MATN4: variants seen among roughly 807,000 people sequenced by gnomAD.
MATN4 encodes matrilin-4.
Under a neutral mutation model 54.6 loss-of-function variants are expected in MATN4, and 40 were observed. The ratio of observed to expected loss-of-function variants is 0.73; its 90% CI spans 0.57 to 0.95. The LOEUF is 0.95. Among genes scored for constraint, MATN4 ranks in the 40% least tolerant of loss-of-function variants. The pLI, the probability that MATN4 is intolerant of heterozygous loss-of-function variation, is 0.00. For synonymous variants in MATN4, 351 were observed against 345.3 expected, an observed-to-expected ratio of 1.02 and a Z score of -0.18; for missense variants, 810 against 819.1, an observed-to-expected ratio of 0.99 and a Z score of 0.13.
intron 1 of MATN4, among the ~76,000 whole-genome samples, chr20:45,307,519 C>T (rs1986833126): frequency 6.6e-6 from 1 of 152,198 alleles, no homozygotes; most frequent in African/African-American, 2.4e-5. Context: ...CCCTGGACAG[C>T]ATGAGGGCTA....
At position 45,298,022 on chromosome 20, in the gene MATN4, A is replaced by C. The variant is rs750614961; in HGVS notation, c.1475T>G (p.Leu492Arg). ...VGVGKAVEAE[L>R]REIASEPAEL... ...CGCTGGCTCCGAGGCGATCTCGCGC[A>C]GCTCCGCCTCCACCGCCTTGCCCAC... is the stretch of plus-strand genomic sequence containing the variant. Residue 492 changes from leucine (L) to arginine (R), a missense_variant, in exon 8 of 10, where the codon CTG becomes CGG. Physicochemically the swap from Leu to Arg is moderately radical, Grantham distance 102. Transcript: ENST00000372756. This position sits in a 1 kb window ranked among gnomAD's most constrained non-coding sequence, Gnocchi z 4.6. 1 of 1,613,958 alleles carries C rather than the reference A, an allele frequency of 6.2e-7. No individual in the cohort carries two copies. The highest frequency in any genetic ancestry group is 8.5e-7 in the Non-Finnish European group (1 of 1,179,954).
chr20:45,300,935 G>A lies in MATN4; in HGVS notation c.964C>T (p.Leu322=), dbSNP rs751508003. ...CVSEGLSYRC[L]CPEGRQLQAD... The stretch of plus-strand genomic sequence containing the variant: ...TGAAGTTGCCGCCCCTCGGGGCACA[G>A]GCAGCGGTAGGAGAGGCCCTCGCTC... The change falls in exon 6 of 10, where the codon CTG becomes TTG. Residue 322 remains leucine, a synonymous_variant. Transcript: ENST00000372756. The A allele has an allele frequency of 2.5e-6, 4 of 1,613,792 alleles. No individual in the cohort carries two copies. In the Admixed American group the frequency reaches 5.0e-5, roughly 20 times the overall value.
chr20:45,293,886 C>T, intron 9 of MATN4, 22 bp downstream of exon 9: 1 of 1,606,208 alleles, frequency 6.2e-7, no homozygotes, highest in Non-Finnish European at 8.5e-7. Flanking sequence ...CTCCAGCCCG[C>T]GCCACCAGCC....
chr20:45,308,370 C>T, upstream of MATN4: 1 of 623,022 alleles, frequency 1.6e-6, no homozygotes, highest in Non-Finnish European at 2.9e-6. Context: ...CAGGCTGCAA[C>T]CCCTCCCACT....
At position 45,293,807 on chromosome 20, in the gene MATN4, C is replaced by T. The variant is rs768944064; in HGVS notation, c.1706G>A (p.Arg569His). 159 of 1,611,142 alleles carry T rather than the reference C, an allele frequency of 9.9e-5. 2 individuals carry two copies. In the South Asian group the frequency reaches 1.6e-3, roughly 16 times the overall value. ...LTLNLAQLTA[R>H]LEDLENQLAN... ...CAGCTGGTTCTCCAGATCCTCCAGG[C>T]GCGCCGTCAGCTGGGCCAGTGAGCG... Residue 569 changes from arginine (R) to histidine (H), a missense_variant, in exon 10 of 10, where the codon CGC (arginine) becomes CAC (histidine). Transcript: ENST00000372756.
chr20:45,293,969 G>A lies in MATN4; in HGVS notation c.1626C>T (p.Cys542=), dbSNP rs1185041156. 3 of 1,603,652 alleles carry A rather than the reference G, an allele frequency of 1.9e-6. No homozygotes were observed. Residue 542 remains cysteine, a synonymous_variant, in exon 9 of 10, where the codon TGC becomes TGT. Coordinates refer to ENST00000372756, the MANE Select transcript of MATN4 (RefSeq NM_001393530.1). The part of the protein sequence containing the change: ...AGTELRSPCE[C]ESLVEFQGRT... Reference sequence around the variant, plus strand: ...GGCCCTGGAACTCCACGAGGCTTTCGCATTCGCATGGGCTCCGAAGCTCTG... The same window carrying A: ...GGCCCTGGAACTCCACGAGGCTTTCACATTCGCATGGGCTCCGAAGCTCTG...
Position 45,300,933 on chromosome 20 carries a change from C to G in MATN4, c.966G>C (p.Leu322=). Residue 322 remains leucine (L), a synonymous_variant, in exon 6 of 10, where the codon CTG becomes CTC. Transcript: ENST00000372756. The part of the protein sequence containing the change: ...CVSEGLSYRC[L]CPEGRQLQAD... ...CCTGAAGTTGCCGCCCCTCGGGGCA[C>G]AGGCAGCGGTAGGAGAGGCCCTCGC... 6.2e-7 allele frequency: 1 copy of G among 1,613,858 alleles called. No homozygotes were observed.
At position 45,293,975 on chromosome 20, in the gene MATN4, G is replaced by A. The variant is rs1027414676; in HGVS notation, c.1620C>T (p.Cys540=). 2 of 1,603,444 alleles carry A rather than the reference G, an allele frequency of 1.2e-6. No homozygotes were observed. Among genetic ancestry groups the A allele is most frequent in the Admixed American group, 1.7e-5 (1 of 59,600 alleles). ...GGAACTCCACGAGGCTTTCGCATTCGCATGGGCTCCGAAGCTCTGTCCCTG... is the reference window on the plus strand; with the variant it reads ...GGAACTCCACGAGGCTTTCGCATTCACATGGGCTCCGAAGCTCTGTCCCTG... ...ISAGTELRSP[C]ECESLVEFQG... The change falls in exon 9 of 10, where the codon TGC becomes TGT. Residue 540 remains cysteine, a synonymous_variant. Coordinates refer to ENST00000372756, the MANE Select transcript of MATN4 (RefSeq NM_001393530.1).
chr20:45,304,360 C>A lies in MATN4; in HGVS notation c.511G>T (p.Val171Leu). Reference sequence around the variant, plus strand: ...CCCACGTCCGCGCGCTGCACCCCCACCGCGTAAATTTCAATGCCGCGGGCG... The same window carrying A: ...CCCACGTCCGCGCGCTGCACCCCCAACGCGTAAATTTCAATGCCGCGGGCG... Reference protein sequence around the residue: ...ARARGIEIYAVGVQRADVGSL... With the variant: ...ARARGIEIYALGVQRADVGSL... Residue 171 changes from valine to leucine, a missense_variant, in exon 3 of 10, where the codon GTG becomes TTG. Coordinates refer to ENST00000372756, the MANE Select transcript of MATN4 (RefSeq NM_001393530.1). 6.6e-7 allele frequency: 1 copy of A among 1,504,952 alleles called. No homozygotes were observed. 93.2% of individuals were successfully genotyped at this position (1,504,952 alleles called of 1,614,324 possible). A position where few individuals can be genotyped will look rare whatever the true frequency, so the allele number is the denominator to read the frequency against.
rs1367934145 is a variant in MATN4, at chr20:45,293,895, C to G, written c.1687+13G>C. ...CTTTCCCTCCAGCCCGCGCCACCAG[C>G]CCCAAAGGATATGGTTCAGCGTCAG... On this transcript the variant is annotated intron_variant, in intron 9 of 9. Transcript: ENST00000372756. 6.2e-7 allele frequency: 1 copy of G among 1,606,356 alleles called. No homozygotes were observed.
At chr20:45,304,128 G>T in intron 3 of MATN4, 100 bp downstream of exon 3, 16 of 1,084,452 alleles carry the variant, frequency 1.5e-5, no homozygotes, top group Non-Finnish European at 1.9e-5. Flanking sequence ...CCTGGAAATC[G>T]CGGGGCCACC....
intron 8 of MATN4, among the ~76,000 whole-genome samples, chr20:45,296,709 G>C (rs573411110): frequency 6.6e-6 from 1 of 152,274 alleles, no homozygotes; most frequent in Admixed American, 6.5e-5. Context: ...TAATCTGAAA[G>C]AGCCACAATA....
At chr20:45,297,873 A>G (rs1985942870) in intron 8 of MATN4, 45 bp downstream of exon 8, 1 of 1,607,686 alleles carries the variant, frequency 6.2e-7, no homozygotes, top group Non-Finnish European at 8.5e-7. Flanking sequence ...ATATCAGAGG[A>G]CGGGCAATGA....
In MATN4 at chr20:45,308,285, G is replaced by A. The variant is rs774975601; in HGVS notation, c.-145C>T. The A allele has an allele frequency of 7.0e-7, 1 of 1,424,862 alleles. No individual in the cohort carries two copies. Among genetic ancestry groups the A allele is most frequent in the Non-Finnish European group, 9.9e-7 (1 of 1,008,592 alleles). 88.3% of individuals were successfully genotyped at this position (1,424,862 alleles called of 1,614,324 possible). A position where few individuals can be genotyped will look rare whatever the true frequency, so the allele number is the denominator to read the frequency against. ...GGCGTGGCAGCGTGCCCTAGGTGGGGACTGCCAGGCAGCTGGAGCACACAG... is the reference window on the plus strand; with the variant it reads ...GGCGTGGCAGCGTGCCCTAGGTGGGAACTGCCAGGCAGCTGGAGCACACAG... On this transcript the variant is annotated 5_prime_UTR_variant, in exon 1 of 10. Transcript: ENST00000372756.
chr20:45,300,971 A>C lies in MATN4; in HGVS notation c.928T>G (p.Phe310Val). 6.2e-7 allele frequency: 1 copy of C among 1,614,130 alleles called. No homozygotes were observed. The highest frequency in any genetic ancestry group is 8.5e-7 in the Non-Finnish European group (1 of 1,179,998). ...LCNGVDHGCE[F>V]QCVSEGLSYR... ...GAGAGGCCCTCGCTCACACACTGGA[A>C]CTCACAGCCATGGTCCACGCCATTG... The change falls in exon 6 of 10, where the codon TTC becomes GTC. Residue 310 changes from phenylalanine (F) to valine (V), a missense_variant. By Grantham distance (50) the Phe-to-Val change is conservative. Coordinates refer to ENST00000372756, the MANE Select transcript of MATN4 (RefSeq NM_001393530.1).
At position 45,293,996 on chromosome 20, in the gene MATN4, C is replaced by T. The variant is rs774890781; in HGVS notation, c.1599G>A (p.Gly533=). The part of the protein sequence containing the change: ...SICPEEGISA[G]TELRSPCECE... Reference sequence around the variant, plus strand: ...ATTCGCATGGGCTCCGAAGCTCTGTCCCTGCGCTGATGCCCTCCTCTGCAA... The same window carrying T: ...ATTCGCATGGGCTCCGAAGCTCTGTTCCTGCGCTGATGCCCTCCTCTGCAA... Residue 533 remains glycine (G), a synonymous_variant, in exon 9 of 10, where the codon GGG becomes GGA. Transcript: ENST00000372756. 7 of 1,602,700 alleles carry T rather than the reference C, an allele frequency of 4.4e-6. No individual in the cohort carries two copies. Among genetic ancestry groups the T allele is most frequent in the Non-Finnish European group, 5.9e-6 (7 of 1,179,792 alleles).
chr20:45,305,627 G>A lies in MATN4; in HGVS notation c.-34-11C>T, dbSNP rs977222945. The A allele has an allele frequency of 1.0e-5, 14 of 1,400,622 alleles. No individual in the cohort carries two copies. Among genetic ancestry groups the A allele is most frequent in the Admixed American group, 3.9e-5 (2 of 50,672 alleles). The allele number at this position is 1,400,622 out of a possible 1,614,324, so 86.8% of individuals were successfully genotyped here. A position where few individuals can be genotyped will look rare whatever the true frequency, so the allele number is the denominator to read the frequency against. On this transcript the variant is annotated splice_polypyrimidine_tract_variant and intron_variant, in intron 1 of 9. Coordinates refer to ENST00000372756, the MANE Select transcript of MATN4 (RefSeq NM_001393530.1). The stretch of plus-strand genomic sequence containing the variant: ...TGGAGGTGTCAGAGCCTGGAGGGAG[G>A]AAGGAAAATAGAAAAGCAACAGTAT...
In MATN4 at chr20:45,304,618, CG is replaced by C; in HGVS notation, c.252del (p.Ser84ArgfsTer29). 6.2e-7 allele frequency: 1 copy of C among 1,604,384 alleles called. No individual in the cohort carries two copies. The highest frequency in any genetic ancestry group is 8.5e-7 in the Non-Finnish European group (1 of 1,172,486). ...CGAGAGAACGCGCGGAGAGGGAAGA[CG>C]CTCTGCACTTGACTCGAATACTGGA... ...GVIQYSSQVQ[S>X]VFPLRAFSRR... On this transcript the variant is annotated frameshift_variant, in exon 3 of 10. Transcript: ENST00000372756. LOFTEE classifies it high-confidence loss of function.
chr20:45,304,220 TA>T lies in MATN4; in HGVS notation c.643+7del. On this transcript the variant is annotated splice_region_variant and intron_variant, in intron 3 of 9. Coordinates refer to ENST00000372756, the MANE Select transcript of MATN4 (RefSeq NM_001393530.1). The stretch of plus-strand genomic sequence containing the variant: ...TTCGAGCTTCACTCCAGCGCCCTCC[TA>T]ACTCACCACACAGCCGGCTCTGGAA... 1 of 1,496,826 alleles carries T rather than the reference TA, an allele frequency of 6.7e-7. No individual in the cohort carries two copies. Among genetic ancestry groups the T allele is most frequent in the Non-Finnish European group, 8.9e-7 (1 of 1,126,414 alleles). 92.7% of individuals were successfully genotyped at this position (1,496,826 alleles called of 1,614,324 possible).
Sources: gnomAD v4.1 joint callset for allele counts (sites outside exome capture counted in the v4.1 genomes callset) on GRCh38, gnomAD v4.1.1 for gene constraint, Gnocchi (gnomAD v3.1) non-coding constraint, MANE v1.5 for transcripts, NCBI Gene and HGNC (gene_info 2026-07-23, HGNC 2026-07-21) for gene names.